RYR3: variants seen among roughly 807,000 people sequenced by gnomAD.
RYR3 encodes ryanodine receptor 3, also known as brain ryanodine receptor-calcium release channel.
In RYR3, 207 loss-of-function variants were observed where a neutral mutation model predicts 584.3. The ratio of observed to expected loss-of-function variants is 0.35; its 90% CI spans 0.32 to 0.40. The LOEUF (loss-of-function observed/expected upper bound fraction) is 0.40. Among genes scored for constraint, RYR3 ranks in the 10% least tolerant of loss-of-function variants. RYR3 has a pLI of 1.00. For synonymous variants in RYR3, 2,416 were observed against 2,248.5 expected, an observed-to-expected ratio of 1.07 and a Z score of -2.11; for missense variants, 5,616 against 6,089.2, an observed-to-expected ratio of 0.92 and a Z score of 2.59.
At chr15:33,759,094 C>T (rs1410853962) in intron 60 of RYR3, among the ~76,000 whole-genome samples, 1 of 151,632 alleles carries the variant, frequency 6.6e-6, no homozygotes, top group East Asian at 2.0e-4. Context: ...AAAGCAATAG[C>T]ATCAACATCA....
intron 43 of RYR3, among the ~76,000 whole-genome samples, chr15:33,712,264 C>G (rs1300394509): frequency 6.6e-6 from 1 of 152,190 alleles, no homozygotes; most frequent in Non-Finnish European, 1.5e-5. Flanking sequence ...CAGGCCCCAC[C>G]TCCAGCATTG....
Position 33,848,402 on chromosome 15 carries a change from C to T in RYR3, c.13609C>T (p.Arg4537Cys), listed in dbSNP as rs768358263. ...SEDDIKGQWD[R>C]LVINTPSFPN... ...AGATGACATCAAGGGGCAGTGGGAC[C>T]GCTTGGTGATCAACACACCGTGAGT... Residue 4537 changes from arginine (R) to cysteine (C), a missense_variant, in exon 94 of 104, where the codon CGC becomes TGC. Coordinates refer to ENST00000634891, the MANE Select transcript of RYR3 (RefSeq NM_001036.6). 15 of 1,612,894 alleles carry T rather than the reference C, an allele frequency of 9.3e-6. No homozygotes were observed. The highest frequency in any genetic ancestry group is 6.7e-5 in the Admixed American group (4 of 59,874).
At chr15:33,824,001 G>A (rs564558857) in intron 81 of RYR3, among the ~76,000 whole-genome samples, 61 of 152,072 alleles carry the variant, frequency 4.0e-4, no homozygotes, top group African/African-American at 1.4e-3. Context: ...TAATTCTTTA[G>A]TCTCAGCTCT....
intron 2 of RYR3, among the ~76,000 whole-genome samples, chr15:33,496,788 T>G (rs1356580716): frequency 1.3e-5 from 2 of 152,192 alleles, no homozygotes; most frequent in Non-Finnish European, 2.9e-5. Context: ...TGGGTGTACC[T>G]GCCTAATCAC....
At chr15:33,547,503 A>G (rs940609936) in intron 8 of RYR3, among the ~76,000 whole-genome samples, 3 of 152,110 alleles carry the variant, frequency 2.0e-5, no homozygotes, top group African/African-American at 7.2e-5. Flanking sequence ...TCATACAGGA[A>G]CTCTCTGGAC....
At position 33,473,545 on chromosome 15, in the gene RYR3, T is replaced by C; in HGVS notation, c.171+7T>C. ...ACCCACTTCAGAAGCCAAGGTGAGA[T>C]TGGCTGTCCGCCCTACACCTTCTTC... On this transcript the variant is annotated splice_region_variant and intron_variant, in intron 2 of 103. Coordinates refer to ENST00000634891, the MANE Select transcript of RYR3 (RefSeq NM_001036.6). 6.2e-7 allele frequency: 1 copy of C among 1,613,880 alleles called. No homozygotes were observed. Among genetic ancestry groups the C allele is most frequent in the Non-Finnish European group, 8.5e-7 (1 of 1,179,818 alleles).
At chr15:33,559,906 C>T (rs561326790) in intron 10 of RYR3, among the ~76,000 whole-genome samples, 1 of 152,020 alleles carries the variant, frequency 6.6e-6, no homozygotes, top group African/African-American at 2.4e-5. Flanking sequence ...AGTAAAGGCC[C>T]AGAGAAGGGG....
intron 86 of RYR3, among the ~76,000 whole-genome samples, chr15:33,834,324 AG>A (rs1454032347): frequency 1.1e-4 from 14 of 130,794 alleles, no homozygotes; most frequent in Non-Finnish European, 2.0e-4. Context: ...ACACACACAC[AG>A]TGAGATTAAC....
At chr15:33,325,985 A>G (rs1454975574) in intron 1 of RYR3, among the ~76,000 whole-genome samples, 2 of 151,952 alleles carry the variant, frequency 1.3e-5, no homozygotes, top group East Asian at 1.9e-4. Context: ...TAGTTTTTGT[A>G]GAGATGGGGT....
At chr15:33,329,864 G>A (rs1970170731) in intron 1 of RYR3, among the ~76,000 whole-genome samples, 1 of 152,166 alleles carries the variant, frequency 6.6e-6, no homozygotes, top group African/African-American at 2.4e-5. Context: ...GTATTTGTCT[G>A]TGGCAATGTA....
intron 38 of RYR3, among the ~76,000 whole-genome samples, chr15:33,684,885 A>G (rs558800828): frequency 6.6e-6 from 1 of 152,320 alleles, no homozygotes; most frequent in South Asian, 2.1e-4. Flanking sequence ...CTTTATAGAC[A>G]AGGAAATGCT....
intron 42 of RYR3, among the ~76,000 whole-genome samples, chr15:33,701,575 A>G (rs1283023663): frequency 6.6e-6 from 1 of 151,872 alleles, no homozygotes; most frequent in Non-Finnish European, 1.5e-5. Flanking sequence ...CTTTCTTTAA[A>G]TGATGTCCTT....
chr15:33,754,310 T>C (rs2071602600), intron 57 of RYR3, among the ~76,000 whole-genome samples: 1 of 152,174 alleles, frequency 6.6e-6, no homozygotes, highest in African/African-American at 2.4e-5. Context: ...CACTTCTCTA[T>C]TGAAAACTTC....
intron 3 of RYR3, among the ~76,000 whole-genome samples, chr15:33,527,294 A>T (rs955831562): frequency 6.6e-6 from 1 of 152,204 alleles, no homozygotes; most frequent in Non-Finnish European, 1.5e-5. Flanking sequence ...AATAAAATAC[A>T]TTAAGGCCGG....
chr15:33,506,024 A>G (rs1479698063), intron 3 of RYR3, among the ~76,000 whole-genome samples: 1 of 152,192 alleles, frequency 6.6e-6, no homozygotes, highest in Non-Finnish European at 1.5e-5. Context: ...GTATATTTCA[A>G]AGGACTTCTT....
chr15:33,585,117 T>C (rs1038426323), intron 15 of RYR3, among the ~76,000 whole-genome samples: 10 of 151,598 alleles, frequency 6.6e-5, no homozygotes, highest in Admixed American at 6.6e-4. Flanking sequence ...AAGGGGAAGC[T>C]GAAGGGTTTT....
At chr15:33,379,666 C>CTCTCTCTCTCTCTCTCTCTCTCTCT (rs2041019669) in intron 1 of RYR3, among the ~76,000 whole-genome samples, 1 of 129,336 alleles carries the variant, frequency 7.7e-6, no homozygotes, top group African/African-American at 3.4e-5. Context: ...TGTGTGTGTC[C>CTCTCTCTCTCTCTCTCTCTCTCTCT]CTCTCTCTCT....
chr15:33,678,935 G>T (rs546601724), intron 38 of RYR3, among the ~76,000 whole-genome samples: 2 of 152,276 alleles, frequency 1.3e-5, no homozygotes, highest in Admixed American at 6.5e-5. Context: ...AGGCCAAAAT[G>T]GTACCTACTG....
chr15:33,708,567 T>A (rs939735823), intron 43 of RYR3, among the ~76,000 whole-genome samples: 3 of 152,222 alleles, frequency 2.0e-5, no homozygotes, highest in African/African-American at 7.2e-5. Flanking sequence ...ATATATTTTC[T>A]GCACTACAAT....
Sources: gnomAD v4.1 joint callset for allele counts (sites outside exome capture counted in the v4.1 genomes callset) on GRCh38, gnomAD v4.1.1 for gene constraint, MANE v1.5 for transcripts, NCBI Gene and HGNC (gene_info 2026-07-23, HGNC 2026-07-21) for gene names.